UNC5D: variants seen among roughly 807,000 people sequenced by gnomAD.
The protein encoded by UNC5D is unc-5 netrin receptor D.
UNC5D carries 39 observed loss-of-function variants against 105.4 expected under a neutral mutation model. The ratio of observed to expected loss-of-function variants is 0.37; its 90% CI spans 0.29 to 0.48. The LOEUF is 0.48. UNC5D is among the 20% of genes least tolerant of loss of function. The probability of loss-of-function intolerance (pLI) is 0.98; values close to 1 mark genes in which losing one functional copy is unlikely to be tolerated. For missense variants in UNC5D, 991 were observed against 1,202.4 expected, an observed-to-expected ratio of 0.82 and a Z score of 2.60; for synonymous variants, 452 against 450.4, an observed-to-expected ratio of 1.00 and a Z score of -0.04.
chr8:35,304,544 G>A (rs1950042), intron 1 of UNC5D, among the ~76,000 whole-genome samples: 69,625 of 151,842 alleles, frequency 0.46, 16,459 homozygotes, highest in East Asian at 0.7. Context: ...AATTGTTCAG[G>A]CGTGTCATTT....
At chr8:35,505,288 A>G (rs1156846983) in intron 1 of UNC5D, among the ~76,000 whole-genome samples, 1 of 152,262 alleles carries the variant, frequency 6.6e-6, no homozygotes, top group Non-Finnish European at 1.5e-5. Flanking sequence ...CCCCAAAATT[A>G]TCCCAAAATA....
At position 35,774,295 on chromosome 8, in the gene UNC5D, A is replaced by G; in HGVS notation, c.2479-4A>G. ...TGATCATGCGTTCCTTATTTTGTTTATAGAGTGAACGAGAAACCATCACTT... is the reference window on the plus strand; with the variant it reads ...TGATCATGCGTTCCTTATTTTGTTTGTAGAGTGAACGAGAAACCATCACTT... On this transcript the variant is annotated splice_region_variant and splice_polypyrimidine_tract_variant and intron_variant, in intron 15 of 16. Coordinates refer to ENST00000404895, the MANE Select transcript of UNC5D (RefSeq NM_080872.4). 1 of 1,614,020 alleles carries G rather than the reference A, an allele frequency of 6.2e-7. No individual in the cohort carries two copies. The highest frequency in any genetic ancestry group is 8.5e-7 in the Non-Finnish European group (1 of 1,179,952).
chr8:35,748,388 C>G (rs1830104666), intron 11 of UNC5D, 139 bp from the exon 12 acceptor site: 1 of 846,878 alleles, frequency 1.2e-6, no homozygotes, highest in Admixed American at 3.1e-5. Flanking sequence ...GTTCTCCAGA[C>G]CAGTCCTTTG....
At chr8:35,358,829 T>A (rs748744928) in intron 1 of UNC5D, among the ~76,000 whole-genome samples, 4 of 152,186 alleles carry the variant, frequency 2.6e-5, no homozygotes, top group Non-Finnish European at 4.4e-5. Flanking sequence ...ATTTATAAAA[T>A]TATAGAAACT....
At chr8:35,537,690 A>C (rs147278702) in intron 1 of UNC5D, among the ~76,000 whole-genome samples, 21 of 150,988 alleles carry the variant, frequency 1.4e-4, no homozygotes, top group African/African-American at 4.8e-4. Context: ...TAAATAAAAT[A>C]AGTAAATAAA....
intron 1 of UNC5D, among the ~76,000 whole-genome samples, chr8:35,289,769 G>A (rs1806897689): frequency 6.6e-6 from 1 of 152,068 alleles, no homozygotes; most frequent in Admixed American, 6.6e-5. Flanking sequence ...ACATATAAAT[G>A]GCCAATAGGT....
intron 1 of UNC5D, among the ~76,000 whole-genome samples, chr8:35,428,096 G>A (rs557879610): frequency 3.3e-5 from 5 of 152,238 alleles, no homozygotes; most frequent in African/African-American, 4.8e-5. Flanking sequence ...TAAGAGCAAG[G>A]TTAAGAACCT....
At chr8:35,237,289 G>C (rs1802536667) in intron 1 of UNC5D, among the ~76,000 whole-genome samples, 1 of 146,786 alleles carries the variant, frequency 6.8e-6, no homozygotes, top group Non-Finnish European at 1.5e-5. Flanking sequence ...ATGAACCACA[G>C]TTCCTTCTCG....
intron 2 of UNC5D, among the ~76,000 whole-genome samples, chr8:35,565,198 G>A (rs1289087220): frequency 6.6e-6 from 1 of 152,176 alleles, no homozygotes; most frequent in African/African-American, 2.4e-5. Flanking sequence ...ACTGATTTAC[G>A]CTTACAATAG....
chr8:35,279,980 C>T (rs917815124), intron 1 of UNC5D, among the ~76,000 whole-genome samples: 1 of 152,078 alleles, frequency 6.6e-6, no homozygotes, highest in Non-Finnish European at 1.5e-5. Flanking sequence ...TTATAAAGAA[C>T]TACCTTTACT....
intron 7 of UNC5D, among the ~76,000 whole-genome samples, chr8:35,690,646 TCAC>T (rs1826329446): frequency 1.3e-5 from 2 of 152,164 alleles, no homozygotes; most frequent in South Asian, 4.2e-4. Flanking sequence ...AGATAACACT[TCAC>T]TATCTCTTCA....
chr8:35,281,429 T>C (rs917282313), intron 1 of UNC5D, among the ~76,000 whole-genome samples: 5 of 151,930 alleles, frequency 3.3e-5, no homozygotes, highest in African/African-American at 7.3e-5. Context: ...TTTCTTTTTT[T>C]TTTTTTGCCA....
At chr8:35,631,388 T>C (rs1822034362) in intron 4 of UNC5D, among the ~76,000 whole-genome samples, 1 of 152,170 alleles carries the variant, frequency 6.6e-6, no homozygotes, top group African/African-American at 2.4e-5. Flanking sequence ...AGAGGCCTGA[T>C]GATTCACCCA....
At chr8:35,244,244 C>T (rs1375983142) in intron 1 of UNC5D, among the ~76,000 whole-genome samples, 1 of 152,170 alleles carries the variant, frequency 6.6e-6, no homozygotes, top group Admixed American at 6.5e-5. Flanking sequence ...ATAAACAGTG[C>T]TAGGACTAGA....
intron 1 of UNC5D, among the ~76,000 whole-genome samples, chr8:35,489,407 G>C (rs910951119): frequency 4.6e-5 from 7 of 152,220 alleles, no homozygotes; most frequent in Middle Eastern, 3.4e-3. Flanking sequence ...TTTTCAGACA[G>C]GGCATTTAAG....
intron 1 of UNC5D, among the ~76,000 whole-genome samples, chr8:35,286,338 A>C (rs1806596911): frequency 6.6e-6 from 1 of 152,188 alleles, no homozygotes; most frequent in South Asian, 2.1e-4. Context: ...AGTGAGTGCC[A>C]CACCAGAGAA....
intron 1 of UNC5D, among the ~76,000 whole-genome samples, chr8:35,250,951 A>G (rs1803655554): frequency 6.6e-6 from 1 of 152,098 alleles, no homozygotes; most frequent in Admixed American, 6.5e-5. Context: ...TAATTTCCTT[A>G]GGATAATGAG....
intron 1 of UNC5D, among the ~76,000 whole-genome samples, chr8:35,257,378 A>G (rs1329495204): frequency 6.6e-6 from 1 of 152,154 alleles, no homozygotes; most frequent in Non-Finnish European, 1.5e-5. Flanking sequence ...CACAGAAATG[A>G]TAGAGTCTGG....
chr8:35,660,386 C>T (rs1824035204), intron 4 of UNC5D, among the ~76,000 whole-genome samples: 1 of 152,110 alleles, frequency 6.6e-6, no homozygotes, highest in Non-Finnish European at 1.5e-5. Context: ...AATATTCATG[C>T]ATTTGAGGTC....
Sources: gnomAD v4.1 joint callset for allele counts (sites outside exome capture counted in the v4.1 genomes callset) on GRCh38, gnomAD v4.1.1 for gene constraint, MANE v1.5 for transcripts, NCBI Gene and HGNC (gene_info 2026-07-23, HGNC 2026-07-21) for gene names.